Variants in FTO observed in about 807,000 individuals in gnomAD.
FTO encodes the protein alpha-ketoglutarate-dependent dioxygenase FTO.
FTO carries 47 observed loss-of-function variants against 63.9 expected under a neutral mutation model. That is an observed-to-expected ratio of 0.74 (90% CI 0.58 to 0.94). FTO has a LOEUF of 0.94. Among genes scored for constraint, FTO ranks in the 40% least tolerant of loss-of-function variants. FTO has a pLI of 0.00. For synonymous variants in FTO, 207 were observed against 224.4 expected (o/e 0.92, Z 0.69); for missense variants, 562 against 618.1 (o/e 0.91, Z 0.96).
At chr16:54,068,244 ATTTTTCTTTTC>A (rs1364709727) in intron 8 of FTO, among the ~76,000 whole-genome samples, 1 of 150,850 alleles carries the variant, frequency 6.6e-6, no homozygotes, top group African/African-American at 2.4e-5. Flanking sequence ...TCATTTTCTT[ATTTTTCTTTTC>A]TTTTTCTTTC....
intron 8 of FTO, among the ~76,000 whole-genome samples, chr16:54,097,316 CTTTT>C (rs1364584182): frequency 3.4e-5 from 5 of 147,052 alleles, no homozygotes; most frequent in Non-Finnish European, 5.9e-5. Flanking sequence ...TTAGCTTGCT[CTTTT>C]TTTGTTTTTT....
chr16:53,758,586 C>T (rs1598586945), intron 1 of FTO, among the ~76,000 whole-genome samples: 1 of 152,194 alleles, frequency 6.6e-6, no homozygotes, highest in East Asian at 1.9e-4. Context: ...AACTAAGCTT[C>T]TGCACATTCA....
At chr16:54,004,791 C>T (rs960093619) in intron 8 of FTO, among the ~76,000 whole-genome samples, 20 of 152,196 alleles carry the variant, frequency 1.3e-4, no homozygotes, top group African/African-American at 4.1e-4. Flanking sequence ...ATTGGAGTGG[C>T]CGGGCACAGT....
intron 8 of FTO, among the ~76,000 whole-genome samples, chr16:54,104,664 T>C (rs1483595578): frequency 6.6e-6 from 1 of 152,180 alleles, no homozygotes; most frequent in Non-Finnish European, 1.5e-5. Context: ...ATTAGGAGAA[T>C]GCATTATCAT....
At chr16:53,803,113 T>C (rs2078268936) in intron 1 of FTO, among the ~76,000 whole-genome samples, 2 of 152,230 alleles carry the variant, frequency 1.3e-5, no homozygotes, top group Admixed American at 1.3e-4. Context: ...GCCTTGTTGC[T>C]TTTGATTGGA....
At chr16:53,910,252 G>A (rs542627209) in intron 7 of FTO, among the ~76,000 whole-genome samples, 3 of 152,242 alleles carry the variant, frequency 2.0e-5, no homozygotes, top group Admixed American at 6.5e-5. Flanking sequence ...ACAAGTAGAG[G>A]GGGGAGAATG....
At position 53,849,898 on chromosome 16, in the gene FTO, C is replaced by A. The variant is rs367880180; in HGVS notation, c.895+5600C>A. Among the ~76,000 whole-genome samples the A allele has an allele frequency of 2.0e-4, 30 of 152,240 alleles. 1 individual carries two copies. In the East Asian group the frequency reaches 3.3e-3, roughly 17 times the overall value. On this transcript the variant is annotated intron_variant, in intron 4 of 8. Coordinates refer to ENST00000471389, the MANE Select transcript of FTO (RefSeq NM_001080432.3). ...TCCTCCAGGTGTCCCTCAGTTTTGC[C>A]CTGATTTAGACATTTTATTCAAAGG...
At chr16:54,102,907 C>G (rs2086668574) in intron 8 of FTO, among the ~76,000 whole-genome samples, 1 of 151,686 alleles carries the variant, frequency 6.6e-6, no homozygotes, top group East Asian at 2.0e-4. Context: ...AATCTTGACC[C>G]TTTGAGAGGC....
chr16:54,057,558 G>C (rs2085464219), intron 8 of FTO, among the ~76,000 whole-genome samples: 1 of 152,110 alleles, frequency 6.6e-6, no homozygotes, highest in Admixed American at 6.5e-5. Context: ...CTGCCACCCA[G>C]GTTCAAGTTA....
At chr16:53,969,798 C>T (rs527603418) in intron 8 of FTO, among the ~76,000 whole-genome samples, 15 of 152,266 alleles carry the variant, frequency 9.9e-5, no homozygotes, top group Non-Finnish European at 1.9e-4. Flanking sequence ...AAGCCTCGCC[C>T]GTAACCTGCT....
chr16:53,708,440 T>C (rs965957955), intron 1 of FTO, among the ~76,000 whole-genome samples: 12 of 152,238 alleles, frequency 7.9e-5, no homozygotes, highest in Admixed American at 7.8e-4. Flanking sequence ...GGACATTTGA[T>C]TTGTTTCTAC....
chr16:54,102,597 T>C (rs1401024403), intron 8 of FTO, among the ~76,000 whole-genome samples: 3 of 152,172 alleles, frequency 2.0e-5, no homozygotes, highest in South Asian at 4.1e-4. Flanking sequence ...TATAGTATTA[T>C]TAATATTATA....
At chr16:53,815,898 C>G (rs1213220623) in intron 2 of FTO, among the ~76,000 whole-genome samples, 1 of 152,024 alleles carries the variant, frequency 6.6e-6, no homozygotes, top group Non-Finnish European at 1.5e-5. Flanking sequence ...ATCCGCCTGC[C>G]TCGGCCTCCC....
chr16:54,003,093 C>A (rs540427725), intron 8 of FTO, among the ~76,000 whole-genome samples: 2 of 152,314 alleles, frequency 1.3e-5, no homozygotes, highest in African/African-American at 4.8e-5. Flanking sequence ...CAGCAGTGAC[C>A]CCTTATGGAA....
intron 4 of FTO, among the ~76,000 whole-genome samples, chr16:53,864,002 T>C (rs28551130): frequency 0.083 from 12,569 of 152,248 alleles, 895 homozygotes; most frequent in African/African-American, 0.19. Context: ...GATTGTCTCA[T>C]TGAGAATCTA....
intron 1 of FTO, among the ~76,000 whole-genome samples, chr16:53,791,108 T>G (rs1251131769): frequency 6.6e-6 from 1 of 152,192 alleles, no homozygotes; most frequent in African/African-American, 2.4e-5. Context: ...TTAGCAAGTA[T>G]GAGTTGGCCA....
chr16:54,041,491 C>G (rs2144277783), intron 8 of FTO, among the ~76,000 whole-genome samples: 1 of 152,242 alleles, frequency 6.6e-6, no homozygotes, highest in Non-Finnish European at 1.5e-5. Flanking sequence ...CCTAGTAGAC[C>G]CACCTAGCGA....
intron 1 of FTO, among the ~76,000 whole-genome samples, chr16:53,717,058 T>G (rs2075911283): frequency 6.6e-6 from 1 of 151,986 alleles, no homozygotes; most frequent in Admixed American, 6.6e-5. Flanking sequence ...TATAGTATTT[T>G]ATGGATTTTT....
At chr16:54,084,510 A>G (rs1446762690) in intron 8 of FTO, among the ~76,000 whole-genome samples, 1 of 152,170 alleles carries the variant, frequency 6.6e-6, no homozygotes, top group African/African-American at 2.4e-5. Flanking sequence ...CCTTTTACAG[A>G]CATGGGGACT....
Sources: gnomAD v4.1 joint callset for allele counts (sites outside exome capture counted in the v4.1 genomes callset) on GRCh38, gnomAD v4.1.1 for gene constraint, MANE v1.5 for transcripts, NCBI Gene and HGNC (gene_info 2026-07-23, HGNC 2026-07-21) for gene names.